SEMA4B: variants seen among roughly 807,000 people sequenced by gnomAD.
SEMA4B encodes semaphorin 4B.
Under a neutral mutation model 88.1 loss-of-function variants are expected in SEMA4B, and 55 were observed. The ratio of observed to expected loss-of-function variants is 0.62; its 90% confidence interval spans 0.50 to 0.78. The LOEUF is 0.78. Among genes scored for constraint, SEMA4B ranks in the 30% least tolerant of loss-of-function variants. SEMA4B has a pLI of 0.00. For missense variants in SEMA4B, 1,062 were observed against 1,111.9 expected (o/e 0.96, Z 0.64); for synonymous variants, 525 against 473.6 (o/e 1.11, Z -1.41).
Position 90,201,393 on chromosome 15 carries a change from G to T in SEMA4B, c.-186G>T, listed in dbSNP as rs1422418313. ...CCGGCGCCGGCGGGAGGACTGCGGTGCCCCGCGGAGGGGCTGAGTTTGCCA... is the reference window on the plus strand; with the variant it reads ...CCGGCGCCGGCGGGAGGACTGCGGTTCCCCGCGGAGGGGCTGAGTTTGCCA... On this transcript the variant is annotated 5_prime_UTR_variant, in exon 1 of 14. Transcript: ENST00000411539. 6 of 1,274,852 alleles carry T rather than the reference G, an allele frequency of 4.7e-6. No individual in the cohort carries two copies. Among genetic ancestry groups the T allele is most frequent in the East Asian group, 6.6e-5 (2 of 30,488 alleles). 79.0% of individuals were successfully genotyped at this position (1,274,852 alleles called of 1,614,324 possible).
upstream of SEMA4B, among the ~76,000 whole-genome samples, chr15:90,197,713 AGG>A (rs1276499125): frequency 5.9e-5 from 9 of 151,790 alleles, no homozygotes; most frequent in Non-Finnish European, 1.0e-4. Flanking sequence ...CTGGGATTAC[AGG>A]CGTGAGCCAC....
intron 4 of SEMA4B, chr15:90,220,331 G>A (rs2151618323): frequency 6.0e-6 from 1 of 165,972 alleles, no homozygotes; most frequent in Admixed American, 6.1e-5. Context: ...CCCCTTCCAG[G>A]CTCACATCAT....
rs373466776 is a variant in SEMA4B, at chr15:90,227,800, G to A, written c.1775-104G>A. 92 of 1,542,886 alleles carry A rather than the reference G, an allele frequency of 6.0e-5. 1 individual carries two copies. The East Asian group carries it at 7.8e-4, about 13-fold the overall frequency. On this transcript the variant is annotated intron_variant, in intron 13 of 13. Coordinates refer to ENST00000411539, the MANE Select transcript of SEMA4B (RefSeq NM_198925.4). ...AGACTCAGTCCCAGGGGTCCCCGGA[G>A]TTGCCCATCGTGGCACCAGGGGCAT...
At chr15:90,186,804 G>A (rs1462838779) in intron 1 of SEMA4B, among the ~76,000 whole-genome samples, 2 of 151,936 alleles carry the variant, frequency 1.3e-5, no homozygotes, top group African/African-American at 4.8e-5. Flanking sequence ...GTGGTGGTGG[G>A]CGCCTGTAGT....
In SEMA4B at chr15:90,220,124, G is replaced by A. The variant is rs1961737363; in HGVS notation, c.483+233G>A. On this transcript the variant is annotated intron_variant, in intron 4 of 13. Coordinates refer to ENST00000411539, the MANE Select transcript of SEMA4B (RefSeq NM_198925.4). ...GGGGCACATGCGGTCACTTACCCAT[G>A]AAGATCCTGTGCCACCCAGGCCTTG... The A allele has an allele frequency of 1.0e-5, 5 of 500,954 alleles. No homozygotes were observed. The East Asian group carries it at 1.4e-4, about 14-fold the overall frequency. 31.0% of individuals were successfully genotyped at this position (500,954 alleles called of 1,614,324 possible).
At chr15:90,220,881 G>A (rs1465143144) in intron 4 of SEMA4B, 101 bp from the exon 5 acceptor site, 4 of 735,720 alleles carry the variant, frequency 5.4e-6, no homozygotes, top group Non-Finnish European at 9.6e-6. Flanking sequence ...CACCTCACCT[G>A]CCTGCAGAGT....
intron 1 of SEMA4B, among the ~76,000 whole-genome samples, chr15:90,188,729 G>T (rs986247686): frequency 6.6e-6 from 1 of 152,008 alleles, no homozygotes; most frequent in African/African-American, 2.4e-5. Context: ...GTGCAGTGGC[G>T]CTATCTCGGC....
chr15:90,196,714 C>G (rs1370250983), upstream of SEMA4B, among the ~76,000 whole-genome samples: 4 of 152,000 alleles, frequency 2.6e-5, no homozygotes, highest in Non-Finnish European at 5.9e-5. Context: ...GTCTCGATCT[C>G]CTGACCTCGT....
At chr15:90,198,067 C>G (rs954956734), upstream of SEMA4B, among the ~76,000 whole-genome samples, 5 of 151,868 alleles carry the variant, frequency 3.3e-5, no homozygotes, top group Admixed American at 3.3e-4. Flanking sequence ...GCTGGGACTA[C>G]AGGCACCCAC....
intron 1 of SEMA4B, among the ~76,000 whole-genome samples, chr15:90,196,229 G>C (rs1358679999): frequency 6.6e-6 from 1 of 151,896 alleles, no homozygotes; most frequent in African/African-American, 2.4e-5. Flanking sequence ...GGCTTAGCCT[G>C]TTTTGTACTT....
chr15:90,226,669 G>T (rs907261548), intron 12 of SEMA4B, among the ~76,000 whole-genome samples: 3 of 152,096 alleles, frequency 2.0e-5, no homozygotes, highest in African/African-American at 7.2e-5. Context: ...TATAACATTG[G>T]CAACTGTCCT....
At chr15:90,197,516 C>CA (rs1191171004), upstream of SEMA4B, among the ~76,000 whole-genome samples, 1 of 151,614 alleles carries the variant, frequency 6.6e-6, no homozygotes, top group Non-Finnish European at 1.5e-5. Context: ...CGGCTCACTG[C>CA]AAGCTCCGCC....
At chr15:90,214,008 C>G (rs1313239119) in intron 1 of SEMA4B, among the ~76,000 whole-genome samples, 1 of 152,192 alleles carries the variant, frequency 6.6e-6, no homozygotes, top group Non-Finnish European at 1.5e-5. Context: ...TAGTGTCACC[C>G]CCACCCGAGG....
chr15:90,213,670 C>G (rs1436663526), intron 1 of SEMA4B, among the ~76,000 whole-genome samples: 2 of 152,228 alleles, frequency 1.3e-5, no homozygotes, highest in African/African-American at 2.4e-5. Flanking sequence ...TGGACAGATT[C>G]CAAGGGCGGT....
At chr15:90,185,924 A>ATTTTTTTTTTTTTTT (rs398028319) in intron 1 of SEMA4B, among the ~76,000 whole-genome samples, 7 of 55,434 alleles carry the variant, frequency 1.3e-4, no homozygotes, top group African/African-American at 4.5e-4. Context: ...TCTTTTGGTG[A>ATTTTTTTTTTTTTTT]TTTTTTTTTT....
Position 90,201,703 on chromosome 15 carries a change from G to A in SEMA4B, c.125G>A (p.Trp42Ter). ...CTGCTGCAGCCGCCGCCTCCGACCT[G>A]GGCGCTCAGCCCCCGGATCAGCCTG... ...LLLLQPPPPT[W>*]ALSPRISLPL... is the part of the protein sequence containing the mutation. The change falls in exon 1 of 14, where the codon TGG (tryptophan) becomes TAG (stop). Residue 42 changes from tryptophan to a stop codon, truncating the protein, a stop_gained. Coordinates refer to ENST00000411539, the MANE Select transcript of SEMA4B (RefSeq NM_198925.4). LOFTEE classifies it high-confidence loss of function. The A allele has an allele frequency of 6.7e-7, 1 of 1,500,636 alleles. No individual in the cohort carries two copies. The highest frequency in any genetic ancestry group is 8.8e-7 in the Non-Finnish European group (1 of 1,130,754). 93.0% of individuals were successfully genotyped at this position (1,500,636 alleles called of 1,614,324 possible).
intron 5 of SEMA4B, 52 bp from the exon 6 acceptor site, chr15:90,221,315 G>A: frequency 2.1e-6 from 3 of 1,445,904 alleles, no homozygotes; most frequent in Non-Finnish European, 2.9e-6. Context: ...CCTGAGCAGG[G>A]AGAAGGGGCC....
chr15:90,223,538 C>T (rs1431660942), intron 7 of SEMA4B, 21 bp from the exon 8 acceptor site: 3 of 1,553,330 alleles, frequency 1.9e-6, no homozygotes, highest in East Asian at 4.5e-5. Flanking sequence ...CTAAGCCCAG[C>T]CCATCCGACT....
At chr15:90,216,612 C>T (rs141459176) in intron 1 of SEMA4B, among the ~76,000 whole-genome samples, 490 of 152,196 alleles carry the variant, frequency 3.2e-3, no homozygotes, top group African/African-American at 7.8e-3. Flanking sequence ...GGGAGGCTGA[C>T]GCGGGCAGAT....
Sources: gnomAD v4.1 joint callset for allele counts (sites outside exome capture counted in the v4.1 genomes callset) on GRCh38, gnomAD v4.1.1 for gene constraint, MANE v1.5 for transcripts, NCBI Gene and HGNC (gene_info 2026-07-23, HGNC 2026-07-21) for gene names.